The following ABL1 variants were observed in gnomAD, a reference collection of about 807,000 sequenced individuals.
ABL1 encodes tyrosine-protein kinase ABL1.
A neutral mutation model predicts 94.7 loss-of-function variants in ABL1; 11 were observed. That is an observed-to-expected ratio of 0.12 (90% CI 0.07 to 0.19). The LOEUF is 0.19. Ranked by LOEUF, ABL1 falls within the 10% of genes least tolerant of loss-of-function variation. The pLI is 1.00. For missense variants in ABL1, 1,082 were observed against 1,489.4 expected (o/e 0.73, Z 4.50); for synonymous variants, 656 against 622.4 (o/e 1.05, Z -0.80).
intron 3 of ABL1, among the ~76,000 whole-genome samples, chr9:130,860,089 C>CATAG (rs1831047647): frequency 6.6e-6 from 1 of 152,148 alleles, no homozygotes; most frequent in Non-Finnish European, 1.5e-5. Context: ...GAACCAGGTG[C>CATAG]ATAGCGTAAT....
Position 130,825,810 on chromosome 9 carries a change from T to C in ABL1, c.137-28254T>C, listed in dbSNP as rs35637172. Among the ~76,000 whole-genome samples the C allele has an allele frequency of 1.2e-3, 181 of 152,368 alleles. 3 individuals carry two copies. In the East Asian group the frequency reaches 0.027, roughly 23 times the overall value. ...CCCAAACCATTTTTGCTTAATAATA[T>C]TTCTGTTTATAATTAAACCTTAAGG... On this transcript the variant is annotated intron_variant, in intron 1 of 10. Coordinates refer to the ABL1 transcript ENST00000372348.
intron 1 of ABL1, among the ~76,000 whole-genome samples, chr9:130,735,961 AT>A (rs141181174): frequency 1.6e-4 from 15 of 94,844 alleles, no homozygotes; most frequent in Non-Finnish European, 1.9e-4. Context: ...ATATATATAT[AT>A]TTTTTTTTTT....
At chr9:130,813,471 G>C (rs562440675) in intron 1 of ABL1, among the ~76,000 whole-genome samples, 1 of 144,904 alleles carries the variant, frequency 6.9e-6, no homozygotes, top group South Asian at 2.3e-4. Context: ...TGAGGCAGGA[G>C]AATCACTTGA....
chr9:130,757,985 C>T (rs1032329426), intron 1 of ABL1, among the ~76,000 whole-genome samples: 1 of 152,206 alleles, frequency 6.6e-6, no homozygotes. Context: ...CTTCTTTTCT[C>T]CTCAGTTCTC....
rs188628476 is a variant in ABL1, at chr9:130,719,796, G to A, written c.136+5341G>A. On this transcript the variant is annotated intron_variant, in intron 1 of 10. Coordinates refer to the ABL1 transcript ENST00000372348. ...AAAAACTTGAATTCAGAAATGTACGGTGTTGGAGCAGACATGGATCTGGAA... is the reference window on the plus strand; with the variant it reads ...AAAAACTTGAATTCAGAAATGTACGATGTTGGAGCAGACATGGATCTGGAA... Among the ~76,000 whole-genome samples, 190 of 152,298 alleles carry A rather than the reference G, an allele frequency of 1.2e-3. 1 individual carries two copies. Among genetic ancestry groups the A allele is most frequent in the African/African-American group, 4.2e-3 (176 of 41,560 alleles).
intron 1 of ABL1, among the ~76,000 whole-genome samples, chr9:130,848,479 C>T (rs1310526413): frequency 2.8e-5 from 4 of 145,188 alleles, no homozygotes; most frequent in Admixed American, 2.8e-4. Context: ...GATCGCACCA[C>T]TGCACTTCAG....
intron 1 of ABL1, among the ~76,000 whole-genome samples, chr9:130,810,233 C>T (rs113900229): frequency 2.0e-5 from 3 of 152,200 alleles, no homozygotes; most frequent in Non-Finnish European, 2.9e-5. Context: ...TGGTGGCTCA[C>T]GCCTGTAATG....
intron 1 of ABL1, among the ~76,000 whole-genome samples, chr9:130,769,233 G>A (rs568634303): frequency 2.0e-5 from 3 of 152,008 alleles, no homozygotes; most frequent in East Asian, 3.9e-4. Flanking sequence ...AGAGTAGGTC[G>A]GTTATAGAGG....
intron 1 of ABL1, among the ~76,000 whole-genome samples, chr9:130,724,060 T>C (rs1024075309): frequency 6.6e-6 from 1 of 152,156 alleles, no homozygotes; most frequent in African/African-American, 2.4e-5. Context: ...TCCACCTGCC[T>C]TGGCCTTCCA....
chr9:130,841,533 C>T (rs998752343), intron 1 of ABL1, among the ~76,000 whole-genome samples: 4 of 148,592 alleles, frequency 2.7e-5, no homozygotes, highest in South Asian at 2.3e-4. Flanking sequence ...GTTTTCAGGC[C>T]GGGCGCGGTG....
chr9:130,861,413 G>A (rs894165944), intron 3 of ABL1, among the ~76,000 whole-genome samples: 1 of 152,158 alleles, frequency 6.6e-6, no homozygotes, highest in African/African-American at 2.4e-5. Context: ...AGTTGTCAAT[G>A]GGACTAACTT....
chr9:130,720,671 A>G (rs1025961969), intron 1 of ABL1, among the ~76,000 whole-genome samples: 2 of 152,166 alleles, frequency 1.3e-5, no homozygotes, highest in Non-Finnish European at 1.5e-5. Context: ...ATGTTTCAGT[A>G]TGAAATAGAA....
chr9:130,785,421 G>A (rs933850951), intron 1 of ABL1, among the ~76,000 whole-genome samples: 8 of 152,204 alleles, frequency 5.3e-5, no homozygotes, highest in African/African-American at 1.9e-4. Flanking sequence ...CCGGCATGCT[G>A]TGTGTTCCTG....
intron 1 of ABL1, among the ~76,000 whole-genome samples, chr9:130,731,072 TCTCGG>T (rs1451949259): frequency 5.0e-5 from 7 of 139,068 alleles, no homozygotes; most frequent in Non-Finnish European, 7.7e-5. Flanking sequence ...AGTGGTGTGA[TCTCGG>T]CTCACTGCAA....
intron 1 of ABL1, among the ~76,000 whole-genome samples, chr9:130,846,081 CTGTGTGTGTGTG>C (rs10554440): frequency 6.8e-6 from 1 of 148,060 alleles, no homozygotes; most frequent in Non-Finnish European, 1.5e-5. Flanking sequence ...AAACGTATGT[CTGTGTGTGTGTG>C]TGTGTGTGTG....
intron 1 of ABL1, among the ~76,000 whole-genome samples, chr9:130,741,849 A>G (rs1456132128): frequency 6.6e-6 from 1 of 151,822 alleles, no homozygotes; most frequent in Non-Finnish European, 1.5e-5. Context: ...GCAAGATAAG[A>G]ACAACGTACT....
chr9:130,784,949 TCAA>T (rs1829806808), intron 1 of ABL1, among the ~76,000 whole-genome samples: 1 of 152,220 alleles, frequency 6.6e-6, no homozygotes, highest in Admixed American at 6.5e-5. Context: ...TCCTAGAGTT[TCAA>T]TTAGGAAGTG....
intron 1 of ABL1, among the ~76,000 whole-genome samples, chr9:130,728,166 C>G (rs1217920759): frequency 2.0e-5 from 3 of 150,898 alleles, no homozygotes; most frequent in East Asian, 3.9e-4. Flanking sequence ...CAGACTCAAG[C>G]TGTTCTCCCA....
upstream of ABL1, among the ~76,000 whole-genome samples, chr9:130,830,369 A>G (rs1830480192): frequency 6.6e-6 from 1 of 152,196 alleles, no homozygotes; most frequent in Non-Finnish European, 1.5e-5. Flanking sequence ...GCATGAAATC[A>G]TGGGTCTGAA....
Sources: allele counts gnomAD v4.1 joint callset (sites outside exome capture counted in the v4.1 genomes callset), GRCh38; gene constraint gnomAD v4.1.1; transcripts MANE v1.5; gene names NCBI Gene and HGNC (gene_info 2026-07-23, HGNC 2026-07-21).